Variants in GALNT17 observed in about 807,000 individuals in gnomAD.
GALNT17 encodes the protein UDP-GalNAc:polypeptide N-acetylgalactosaminyltransferase-like 3.
Under a neutral mutation model 63.7 loss-of-function variants are expected in GALNT17, and 29 were observed. The ratio of observed to expected loss-of-function variants is 0.46; its 90% confidence interval spans 0.34 to 0.62. The LOEUF is 0.62. Among genes scored for constraint, GALNT17 ranks in the 20% least tolerant of loss-of-function variants. The pLI is 0.01. For missense variants in GALNT17, 603 were observed against 799.6 expected (o/e 0.75, Z 2.97); for synonymous variants, 305 against 318.3 (o/e 0.96, Z 0.45).
intron 9 of GALNT17, among the ~76,000 whole-genome samples, chr7:71,694,392 C>G (rs953817786): frequency 1.4e-5 from 2 of 144,252 alleles, no homozygotes; most frequent in African/African-American, 5.2e-5. Flanking sequence ...GAGTCTCACT[C>G]TGTCACTCAG....
intron 5 of GALNT17, among the ~76,000 whole-genome samples, chr7:71,428,628 G>A (rs1011036590): frequency 2.6e-5 from 4 of 151,950 alleles, no homozygotes; most frequent in South Asian, 2.1e-4. Flanking sequence ...TAGTAGAGAC[G>A]AGGTTTCACC....
chr7:71,649,523 G>T (rs892405647), intron 6 of GALNT17, among the ~76,000 whole-genome samples: 1 of 151,970 alleles, frequency 6.6e-6, no homozygotes, highest in Non-Finnish European at 1.5e-5. Context: ...CCTGGGACAG[G>T]AAGATGAAGA....
At position 71,159,908 on chromosome 7, in the gene GALNT17, A is replaced by C. The variant is rs1788309562; in HGVS notation, c.238+26868A>C. On this transcript the variant is annotated intron_variant, in intron 1 of 10. Coordinates refer to ENST00000333538, the MANE Select transcript of GALNT17 (RefSeq NM_022479.3). ...GCAATTCTTCTGCCTCAGCCTCCTG[A>C]GTAGCTGGGATTACAGGTGTGCACC... Among the ~76,000 whole-genome samples, 8 of 151,696 alleles carry C rather than the reference A, an allele frequency of 5.3e-5. No homozygotes were observed. The South Asian group carries it at 1.7e-3, about 32-fold the overall frequency.
At chr7:71,156,964 A>T (rs1788248226) in intron 1 of GALNT17, among the ~76,000 whole-genome samples, 1 of 150,426 alleles carries the variant, frequency 6.6e-6, no homozygotes, top group Admixed American at 6.6e-5. Context: ...TTGTTTATTT[A>T]TTTATTTATA....
intron 1 of GALNT17, among the ~76,000 whole-genome samples, chr7:71,298,712 GTGTGTGTGT>G (rs796977375): frequency 1.8e-5 from 1 of 55,042 alleles, no homozygotes; most frequent in Non-Finnish European, 4.1e-5. Context: ...TTCCAGTGGG[GTGTGTGTGT>G]GTGTGTGTGT....
chr7:71,142,424 C>T (rs959077304), intron 1 of GALNT17, among the ~76,000 whole-genome samples: 2 of 152,160 alleles, frequency 1.3e-5, no homozygotes, highest in East Asian at 1.9e-4. Flanking sequence ...GTGCCTTTGG[C>T]TGATGGCTTT....
At chr7:71,532,704 G>T (rs1323377657) in intron 5 of GALNT17, among the ~76,000 whole-genome samples, 2 of 152,136 alleles carry the variant, frequency 1.3e-5, no homozygotes, top group African/African-American at 4.8e-5. Context: ...TACACTACGG[G>T]ATCTGCTTCT....
intron 1 of GALNT17, among the ~76,000 whole-genome samples, chr7:71,148,034 G>T (rs1327802101): frequency 6.6e-6 from 1 of 152,132 alleles, no homozygotes; most frequent in African/African-American, 2.4e-5. Flanking sequence ...ACTTTCAGTG[G>T]ATCTTCTTTT....
intron 1 of GALNT17, among the ~76,000 whole-genome samples, chr7:71,181,911 C>T (rs1788742362): frequency 6.6e-6 from 1 of 151,312 alleles, no homozygotes; most frequent in African/African-American, 2.4e-5. Flanking sequence ...CGCGGTGGCT[C>T]ATGCCTGTAG....
intron 3 of GALNT17, among the ~76,000 whole-genome samples, chr7:71,409,748 A>G (rs1049824761): frequency 1.3e-5 from 2 of 152,214 alleles, no homozygotes; most frequent in Admixed American, 6.5e-5. Context: ...TTATGCTGAG[A>G]CAGCAGGATT....
chr7:71,541,329 G>T (rs572818477), intron 5 of GALNT17, among the ~76,000 whole-genome samples: 4 of 151,992 alleles, frequency 2.6e-5, no homozygotes, highest in Non-Finnish European at 5.9e-5. Context: ...GAAGCAGGTG[G>T]ATCACCTGAG....
At chr7:71,564,988 C>T (rs1355126229) in intron 5 of GALNT17, among the ~76,000 whole-genome samples, 3 of 152,118 alleles carry the variant, frequency 2.0e-5, no homozygotes, top group Non-Finnish European at 2.9e-5. Flanking sequence ...CAGGCTGGGC[C>T]GGGCACGGTG....
At chr7:71,255,116 A>G (rs967006814) in intron 1 of GALNT17, among the ~76,000 whole-genome samples, 3 of 152,204 alleles carry the variant, frequency 2.0e-5, no homozygotes, top group Non-Finnish European at 4.4e-5. Context: ...AAAATATTCA[A>G]TGATCCTATG....
At chr7:71,431,055 A>G (rs1786852932) in intron 5 of GALNT17, among the ~76,000 whole-genome samples, 1 of 151,940 alleles carries the variant, frequency 6.6e-6, no homozygotes, top group Admixed American at 6.6e-5. Context: ...CATGGGAGGG[A>G]GGGAATTTTT....
intron 5 of GALNT17, among the ~76,000 whole-genome samples, chr7:71,445,145 CCCAGGGTGGAGCCA>C (rs1787137466): frequency 6.6e-6 from 1 of 150,938 alleles, no homozygotes; most frequent in Non-Finnish European, 1.5e-5. Flanking sequence ...TATAGCACCT[CCCAGGGTGGAGCCA>C]CCTTTTTTTT....
intron 1 of GALNT17, among the ~76,000 whole-genome samples, chr7:71,296,633 A>G (rs12534643): frequency 6.6e-6 from 1 of 151,370 alleles, no homozygotes; most frequent in African/African-American, 2.4e-5. Flanking sequence ...AAACAACTAT[A>G]TATATATATG....
At chr7:71,508,050 T>C (rs1788295478) in intron 5 of GALNT17, among the ~76,000 whole-genome samples, 1 of 152,208 alleles carries the variant, frequency 6.6e-6, no homozygotes, top group Admixed American at 6.5e-5. Flanking sequence ...CTCATTCTAA[T>C]TGTGCCTAGT....
At chr7:71,511,010 A>AAAT (rs1251191267) in intron 5 of GALNT17, among the ~76,000 whole-genome samples, 89 of 152,028 alleles carry the variant, frequency 5.9e-4, no homozygotes, top group African/African-American at 2.1e-3. Context: ...CCATCTTCAC[A>AAAT]AATAATAATA....
At chr7:71,689,958 G>A (rs1259174836) in intron 9 of GALNT17, among the ~76,000 whole-genome samples, 1 of 151,736 alleles carries the variant, frequency 6.6e-6, no homozygotes, top group Non-Finnish European at 1.5e-5. Context: ...ATGTGCCCGA[G>A]AAATGGAACA....
Sources: allele counts gnomAD v4.1 joint callset (sites outside exome capture counted in the v4.1 genomes callset), GRCh38; gene constraint gnomAD v4.1.1; transcripts MANE v1.5; gene names NCBI Gene and HGNC (gene_info 2026-07-23, HGNC 2026-07-21).